The following MITF variants were observed in gnomAD, a reference collection of about 807,000 sequenced individuals.
The protein encoded by MITF is microphthalmia-associated transcription factor.
Under a neutral mutation model 60.5 loss-of-function variants are expected in MITF, and 17 were observed. The ratio of observed to expected loss-of-function variants is 0.28; its 90% CI spans 0.19 to 0.42. The LOEUF (loss-of-function observed/expected upper bound fraction) is 0.42. Among genes scored for constraint, MITF ranks in the 10% least tolerant of loss-of-function variants. The pLI is 1.00. For synonymous variants in MITF, 260 were observed against 248.5 expected (o/e 1.05, Z -0.43); for missense variants, 622 against 683.5 (o/e 0.91, Z 1.00).
intron 2 of MITF, among the ~76,000 whole-genome samples, chr3:69,886,621 A>C (rs2064625006): frequency 6.6e-6 from 1 of 152,142 alleles, no homozygotes; most frequent in African/African-American, 2.4e-5. Context: ...CAGGCTTAAC[A>C]GAAAGATACA....
In MITF at chr3:69,750,006, G is replaced by C. The variant is rs150113392; in HGVS notation, c.104+10305G>C. On this transcript the variant is annotated intron_variant, in intron 1 of 9. Coordinates refer to ENST00000352241, the MANE Select transcript of MITF (RefSeq NM_001354604.2). ...TGAATGAGAGAGTTTGATGGTGCTT[G>C]CTTGGTCATAATATCAAAATCACTA... 2.8e-4 allele frequency among the ~76,000 whole-genome samples: 42 copies of C among 152,308 alleles called. No homozygotes were observed. In the East Asian group the frequency reaches 6.9e-3, roughly 25 times the overall value.
At chr3:69,888,442 T>G (rs1479654535) in intron 2 of MITF, among the ~76,000 whole-genome samples, 1 of 151,678 alleles carries the variant, frequency 6.6e-6, no homozygotes, top group East Asian at 1.9e-4. Flanking sequence ...GAAAGAAATC[T>G]TACCTTGAGT....
chr3:69,851,880 C>T (rs182669670), intron 1 of MITF, among the ~76,000 whole-genome samples: 40 of 152,024 alleles, frequency 2.6e-4, no homozygotes, highest in Middle Eastern at 3.4e-3. Context: ...TTGAAAAGGC[C>T]GATATATGTA....
chr3:69,932,462 A>T (rs1186896099), intron 2 of MITF, among the ~76,000 whole-genome samples: 1 of 152,132 alleles, frequency 6.6e-6, no homozygotes, highest in African/African-American at 2.4e-5. Context: ...AGTTGGGCTG[A>T]TGGGTGGACA....
At chr3:69,824,500 G>A (rs2063324751) in intron 1 of MITF, among the ~76,000 whole-genome samples, 1 of 152,220 alleles carries the variant, frequency 6.6e-6, no homozygotes, top group African/African-American at 2.4e-5. Context: ...ATGGTATGAT[G>A]TTAAGGTTTG....
At chr3:69,780,726 G>T (rs1017938076) in intron 1 of MITF, among the ~76,000 whole-genome samples, 3 of 152,190 alleles carry the variant, frequency 2.0e-5, no homozygotes, top group Non-Finnish European at 4.4e-5. Context: ...AGACTAATTA[G>T]ATGTTAGCTC....
At position 69,796,494 on chromosome 3, in the gene MITF, C is replaced by CTTTTTTTTTTTTTT. The variant is rs767834091; in HGVS notation, c.104+56803_104+56816dup. ...TGTGAAGCTTACAAACACCGTCTTT[C>CTTTTTTTTTTTTTT]TTTTTTTTTTTTTTTTTTTTTTTGA... is the stretch of plus-strand genomic sequence containing the variant. On this transcript the variant is annotated intron_variant, in intron 1 of 9. Coordinates refer to ENST00000352241, the MANE Select transcript of MITF (RefSeq NM_001354604.2). Among the ~76,000 whole-genome samples, 186 of 80,296 alleles carry CTTTTTTTTTTTTTT rather than the reference C, an allele frequency of 2.3e-3. 27 individuals are homozygous for CTTTTTTTTTTTTTT. The highest frequency in any genetic ancestry group is 3.4e-3 in the Non-Finnish European group (132 of 38,536). 52.7% of individuals were successfully genotyped at this position (80,296 alleles called of 152,430 possible). A position where few individuals can be genotyped will look rare whatever the true frequency, so the allele number is the denominator to read the frequency against.
chr3:69,909,042 A>G (rs1047271064), intron 2 of MITF, among the ~76,000 whole-genome samples: 1 of 152,082 alleles, frequency 6.6e-6, no homozygotes, highest in African/African-American at 2.4e-5. Context: ...ACATGGTGAT[A>G]CGGCTTGGCT....
In MITF at chr3:69,965,296, T is replaced by C. The variant is rs9863910; in HGVS notation, c.*48T>C. Reference sequence around the variant, plus strand: ...CGCACAAACTGCTTCCTTTCTTGATTCGTAGATTTAATAACTTACCTGAAG... The same window carrying C: ...CGCACAAACTGCTTCCTTTCTTGATCCGTAGATTTAATAACTTACCTGAAG... On this transcript the variant is annotated 3_prime_UTR_variant, in exon 10 of 10. Coordinates refer to ENST00000352241, the MANE Select transcript of MITF (RefSeq NM_001354604.2). 0.1 allele frequency: 160,279 copies of C among 1,598,906 alleles called. 8,865 individuals are homozygous for C. The highest frequency in any genetic ancestry group is 0.19 in the African/African-American group (14,238 of 74,724).
chr3:69,912,033 T>C (rs1265971975), intron 2 of MITF, among the ~76,000 whole-genome samples: 3 of 152,206 alleles, frequency 2.0e-5, no homozygotes, highest in Non-Finnish European at 4.4e-5. Flanking sequence ...GGGAGTAGAT[T>C]ACATGGCACA....
At chr3:69,803,998 A>T (rs1217142877) in intron 1 of MITF, among the ~76,000 whole-genome samples, 4 of 152,122 alleles carry the variant, frequency 2.6e-5, no homozygotes, top group Admixed American at 1.3e-4. Context: ...CCATGAAGCA[A>T]ATGTATCCTG....
At chr3:69,961,068 C>T (rs1014605377) in intron 9 of MITF, among the ~76,000 whole-genome samples, 1 of 152,128 alleles carries the variant, frequency 6.6e-6, no homozygotes, top group Non-Finnish European at 1.5e-5. Flanking sequence ...TTTAATCTCT[C>T]GAACATAGTC....
chr3:69,941,471 T>A, intron 5 of MITF, 140 bp downstream of exon 5: 2 of 637,324 alleles, frequency 3.1e-6, no homozygotes, highest in Non-Finnish European at 5.5e-6. Context: ...TATCTCAGGA[T>A]CACAAATAAG....
At chr3:69,829,672 GCACACACACACA>G (rs34482357) in intron 1 of MITF, among the ~76,000 whole-genome samples, 23,314 of 150,660 alleles carry the variant, frequency 0.15, 1,885 homozygotes, top group South Asian at 0.2. Context: ...AGGTGTGGAT[GCACACACACACA>G]CACACACACA....
intron 2 of MITF, among the ~76,000 whole-genome samples, chr3:69,913,155 AT>A (rs2065259989): frequency 6.6e-6 from 1 of 152,090 alleles, no homozygotes; most frequent in Admixed American, 6.5e-5. Flanking sequence ...ATTATATTTT[AT>A]TTAATTCTAT....
intron 2 of MITF, among the ~76,000 whole-genome samples, chr3:69,885,210 CTT>C (rs1289333631): frequency 6.6e-6 from 1 of 152,084 alleles, no homozygotes; most frequent in Non-Finnish European, 1.5e-5. Flanking sequence ...GTAGGAGAAT[CTT>C]TGCCATCTTC....
chr3:69,792,783 T>G (rs538112613), intron 1 of MITF, among the ~76,000 whole-genome samples: 3 of 152,090 alleles, frequency 2.0e-5, no homozygotes, highest in Admixed American at 1.3e-4. Context: ...TTATCACAAT[T>G]TATTCATAAA....
intron 2 of MITF, among the ~76,000 whole-genome samples, chr3:69,913,192 A>C (rs2065260671): frequency 6.6e-6 from 1 of 152,130 alleles, no homozygotes; most frequent in Non-Finnish European, 1.5e-5. Context: ...AATAAAGCAG[A>C]GAATGCATGT....
At chr3:69,757,499 A>G (rs1362752494) in intron 1 of MITF, among the ~76,000 whole-genome samples, 1 of 152,136 alleles carries the variant, frequency 6.6e-6, no homozygotes, top group African/African-American at 2.4e-5. Flanking sequence ...AGCACAGGAG[A>G]GAAGACAGTT....
Sources: gnomAD v4.1 joint callset for allele counts (sites outside exome capture counted in the v4.1 genomes callset) on GRCh38, gnomAD v4.1.1 for gene constraint, MANE v1.5 for transcripts, NCBI Gene and HGNC (gene_info 2026-07-23, HGNC 2026-07-21) for gene names.